Variants in SMAP2 observed in about 807,000 individuals in gnomAD.
SMAP2 encodes the protein stromal membrane-associated protein 2.
In SMAP2, 25 loss-of-function variants were observed where a neutral mutation model predicts 56.4. The observed-to-expected ratio is 0.44, with a 90% CI of 0.32 to 0.62. SMAP2 has a LOEUF of 0.62. SMAP2 is among the 20% of genes least tolerant of loss of function. SMAP2 has a pLI of 0.04. For synonymous variants in SMAP2, 157 were observed against 181.7 expected (o/e 0.86, Z 1.09); for missense variants, 388 against 545.6 (o/e 0.71, Z 2.88).
intron 1 of SMAP2, among the ~76,000 whole-genome samples, chr1:40,390,257 T>C (rs1025256653): frequency 2.6e-5 from 4 of 152,234 alleles, no homozygotes; most frequent in Non-Finnish European, 5.9e-5. Flanking sequence ...TTCTAGCTTG[T>C]TTGGATGTGG....
chr1:40,410,122 G>T (rs1357966122), intron 4 of SMAP2, among the ~76,000 whole-genome samples: 11 of 151,872 alleles, frequency 7.2e-5, no homozygotes, highest in Admixed American at 7.2e-4. Flanking sequence ...ATACATGCCT[G>T]TAATAACCAG....
At chr1:40,384,478 G>C (rs1315568104) in intron 1 of SMAP2, among the ~76,000 whole-genome samples, 1 of 152,206 alleles carries the variant, frequency 6.6e-6, no homozygotes, top group Non-Finnish European at 1.5e-5. Context: ...TTATAAAAGT[G>C]TCTAATGAGT....
chr1:40,409,905 G>A (rs1023115523), intron 4 of SMAP2, 70 bp downstream of exon 4: 17 of 1,036,602 alleles, frequency 1.6e-5, no homozygotes, highest in Admixed American at 5.5e-5. Flanking sequence ...CAGAGAACAC[G>A]TTGAAGAACT....
At chr1:40,399,310 A>ATTTTTTTTTTTTTTTTTT (rs747127620) in intron 1 of SMAP2, among the ~76,000 whole-genome samples, 34 of 91,948 alleles carry the variant, frequency 3.7e-4, no homozygotes, top group Admixed American at 5.6e-4. Flanking sequence ...ACGTGTGGCT[A>ATTTTTTTTTTTTTTTTTT]TTTTTTTTTT....
At chr1:40,413,295 A>G (rs1211392452) in intron 5 of SMAP2, among the ~76,000 whole-genome samples, 193 bp downstream of exon 5, 6 of 152,152 alleles carry the variant, frequency 3.9e-5, no homozygotes, top group Non-Finnish European at 8.8e-5. Context: ...TCTGCTCTGT[A>G]AGGGCTTCGC....
chr1:40,377,264 G>A (rs1176407563), intron 1 of SMAP2, among the ~76,000 whole-genome samples: 1 of 152,218 alleles, frequency 6.6e-6, no homozygotes, highest in Admixed American at 6.5e-5. Flanking sequence ...CCACTGCGCT[G>A]CAGCCTGGGT....
At position 40,422,105 on chromosome 1, in the gene SMAP2, C is replaced by A; in HGVS notation, c.*4C>A. 6.2e-7 allele frequency: 1 copy of A among 1,613,940 alleles called. No homozygotes were observed. The highest frequency in any genetic ancestry group is 1.3e-5 in the African/African-American group (1 of 75,038). On this transcript the variant is annotated 3_prime_UTR_variant, in exon 10 of 10. Transcript: ENST00000372718. ...CAGTCCTCAGATGTGGAAATAAAAA[C>A]AAAACACCTGTATGGCTGCCATTCT...
At chr1:40,364,908 A>G (rs2124182264) in intron 2 of SMAP2, 1 of 220,322 alleles carries the variant, frequency 4.5e-6, no homozygotes, top group Non-Finnish European at 9.6e-6. Context: ...TCCTTGGCCC[A>G]GGCCTAAATA....
intron 1 of SMAP2, among the ~76,000 whole-genome samples, chr1:40,399,214 G>A (rs1264734805): frequency 6.6e-6 from 1 of 151,220 alleles, no homozygotes; most frequent in Non-Finnish European, 1.5e-5. Context: ...GTGGGATCTC[G>A]GCCCACTGCA....
intron 1 of SMAP2, among the ~76,000 whole-genome samples, chr1:40,393,899 A>C (rs968338028): frequency 6.6e-6 from 1 of 152,096 alleles, no homozygotes; most frequent in Non-Finnish European, 1.5e-5. Flanking sequence ...AGTTTCTTCA[A>C]ATTAACTTCT....
intron 1 of SMAP2, among the ~76,000 whole-genome samples, chr1:40,380,529 C>CTTTT (rs370625950): frequency 1.1e-4 from 16 of 142,870 alleles, no homozygotes; most frequent in African/African-American, 2.1e-4. Context: ...ATCTGTGGCA[C>CTTTT]TTTTTTTTTT....
intron 4 of SMAP2, among the ~76,000 whole-genome samples, chr1:40,411,180 A>G (rs1458238429): frequency 2.1e-4 from 32 of 152,248 alleles, no homozygotes; most frequent in Admixed American, 2.0e-3. Flanking sequence ...TCAACTGTGT[A>G]TGAAGGACTC....
At chr1:40,387,250 A>G (rs1439416135) in intron 1 of SMAP2, among the ~76,000 whole-genome samples, 1 of 152,200 alleles carries the variant, frequency 6.6e-6, no homozygotes, top group African/African-American at 2.4e-5. Context: ...AGCTTATTTC[A>G]TGACATTAAA....
rs989577645 is a variant in SMAP2, at chr1:40,355,868, C to G, written c.-82-6432C>G. 2.8e-4 allele frequency among the ~76,000 whole-genome samples: 43 copies of G among 152,250 alleles called. No homozygotes were observed. In the East Asian group the frequency reaches 7.5e-3, roughly 27 times the overall value. On this transcript the variant is annotated intron_variant, in intron 1 of 6. Coordinates refer to the SMAP2 transcript ENST00000435168. The stretch of plus-strand genomic sequence containing the variant: ...CAAACGACCCACCTGCCTCAGCCCC[C>G]CCAAAATGCTGGGATTATAGGTGTG...
At position 40,374,136 on chromosome 1, in the gene SMAP2, G is replaced by A; in HGVS notation, c.16G>A (p.Val6Met). The change falls in exon 1 of 10, where the codon GTG becomes ATG. Residue 6 changes from valine (V) to methionine (M), a missense_variant. Val to Met is a conservative substitution (Grantham distance 21). Transcript: ENST00000372718. The surrounding 1 kb of genome is among the most constrained non-coding windows in gnomAD (Gnocchi z 5.9). MTGKS[V>M]KDVDRYQAVL... ...CACCCTGGCCATGACAGGCAAGTCG[G>A]TGAAGGACGTGGATCGGTACCAGGC... 6.2e-7 allele frequency: 1 copy of A among 1,613,204 alleles called. No homozygotes were observed. Among genetic ancestry groups the A allele is most frequent in the Non-Finnish European group, 8.5e-7 (1 of 1,179,626 alleles).
intron 1 of SMAP2, among the ~76,000 whole-genome samples, chr1:40,358,762 C>G (rs777635904): frequency 9.2e-5 from 14 of 152,268 alleles, no homozygotes; most frequent in Admixed American, 2.0e-4. Context: ...CAGATTAAGT[C>G]TGATGTTTCT....
intron 2 of SMAP2, chr1:40,365,052 G>T: frequency 4.5e-6 from 1 of 223,972 alleles, no homozygotes; most frequent in South Asian, 7.8e-5. Flanking sequence ...ATGTGAAGAT[G>T]ACAGACGATG....
chr1:40,355,868 C>T (rs989577645), intron 1 of SMAP2, among the ~76,000 whole-genome samples: 13 of 152,250 alleles, frequency 8.5e-5, no homozygotes, highest in Middle Eastern at 3.4e-3. Context: ...CCTCAGCCCC[C>T]CCAAAATGCT....
At chr1:40,378,531 C>G (rs916963197) in intron 1 of SMAP2, among the ~76,000 whole-genome samples, 4 of 152,174 alleles carry the variant, frequency 2.6e-5, no homozygotes, top group Non-Finnish European at 5.9e-5. Context: ...CAGGCTAGTT[C>G]TAACTCCTGG....
Sources: allele counts gnomAD v4.1 joint callset (sites outside exome capture counted in the v4.1 genomes callset), GRCh38; gene constraint gnomAD v4.1.1; non-coding constraint Gnocchi (gnomAD v3.1); transcripts MANE v1.5; gene names NCBI Gene and HGNC (gene_info 2026-07-23, HGNC 2026-07-21).